Variants in PUM1 observed in about 807,000 individuals in gnomAD.
PUM1 encodes pumilio homolog 1.
PUM1 carries 13 observed loss-of-function variants against 131.8 expected under a neutral mutation model. That is an observed-to-expected ratio of 0.10 (90% CI 0.06 to 0.16). The LOEUF (loss-of-function observed/expected upper bound fraction) is 0.16, where lower values mean the gene tolerates loss of function less well. Ranked by LOEUF, PUM1 falls within the 10% of genes least tolerant of loss-of-function variation. The pLI, the probability that PUM1 is intolerant of heterozygous loss-of-function variation, is 1.00. For synonymous variants in PUM1, 509 were observed against 556.5 expected (o/e 0.91, Z 1.20); for missense variants, 961 against 1,512.4 (o/e 0.64, Z 6.05).
At chr1:31,003,728 G>C (rs1365672068) in intron 5 of PUM1, among the ~76,000 whole-genome samples, 1 of 152,118 alleles carries the variant, frequency 6.6e-6, no homozygotes, top group Non-Finnish European at 1.5e-5. Flanking sequence ...TTGCACTCCA[G>C]TCTGGGCGAC....
intron 3 of PUM1, among the ~76,000 whole-genome samples, chr1:31,017,935 A>G (rs1369180755): frequency 1.3e-5 from 2 of 152,228 alleles, no homozygotes; most frequent in Non-Finnish European, 2.9e-5. Context: ...CTAAGCAAAG[A>G]GGCCAATGTA....
intron 6 of PUM1, among the ~76,000 whole-genome samples, chr1:30,994,092 A>T (rs1641900074): frequency 6.6e-6 from 1 of 152,134 alleles, no homozygotes; most frequent in South Asian, 2.1e-4. Flanking sequence ...AAATAAAAAT[A>T]ATTTTTAAAA....
At chr1:31,035,510 C>T (rs1318487025) in intron 2 of PUM1, among the ~76,000 whole-genome samples, 2 of 151,964 alleles carry the variant, frequency 1.3e-5, no homozygotes, top group African/African-American at 2.4e-5. Flanking sequence ...CCAGCACTTT[C>T]GGAGGCCGAG....
intron 2 of PUM1, among the ~76,000 whole-genome samples, chr1:31,033,220 T>A (rs1643493218): frequency 6.6e-6 from 1 of 151,770 alleles, no homozygotes; most frequent in African/African-American, 2.4e-5. Flanking sequence ...TTCCTTTTTT[T>A]TTTTGAGATG....
At chr1:31,002,547 T>C (rs986032006) in intron 5 of PUM1, among the ~76,000 whole-genome samples, 1 of 152,138 alleles carries the variant, frequency 6.6e-6, no homozygotes, top group Non-Finnish European at 1.5e-5. Flanking sequence ...GGTCCTTAGA[T>C]GGCAATCTCA....
intron 5 of PUM1, among the ~76,000 whole-genome samples, chr1:31,003,198 C>G (rs1642276611): frequency 6.6e-6 from 1 of 152,174 alleles, no homozygotes; most frequent in Non-Finnish European, 1.5e-5. Flanking sequence ...CCATACACTA[C>G]CAAGTACCAC....
Position 30,995,169 on chromosome 1 carries a change from T to C in PUM1, c.772A>G (p.Lys258Glu). The C allele has an allele frequency of 1.2e-6, 2 of 1,614,212 alleles. No individual in the cohort carries two copies. The highest frequency in any genetic ancestry group is 1.1e-5 in the South Asian group (1 of 91,074). Residue 258 changes from lysine to glutamate, a missense_variant, in exon 6 of 22, where the codon AAG becomes GAG. By Grantham distance (56) the Lys-to-Glu change is moderately conservative (BLOSUM62 1). Transcript: ENST00000426105. ...DENDKGEKKN[K>E]GTFDGDKLGD... ...AGCTTATCTCCATCAAACGTACCCTTGTTCTTCTTTTCACCTTTGTCGTTT... is the reference window on the plus strand; with the variant it reads ...AGCTTATCTCCATCAAACGTACCCTCGTTCTTCTTTTCACCTTTGTCGTTT...
chr1:31,000,259 T>A (rs1043554097), intron 5 of PUM1, among the ~76,000 whole-genome samples: 2 of 152,184 alleles, frequency 1.3e-5, no homozygotes, highest in African/African-American at 4.8e-5. Flanking sequence ...AATGAATAAA[T>A]GAAAAAGGCT....
At chr1:31,038,984 A>ATATATATATATATATATATATTTTTTTTT in intron 2 of PUM1, among the ~76,000 whole-genome samples, 4 of 49,414 alleles carry the variant, frequency 8.1e-5, no homozygotes, top group Non-Finnish European at 1.2e-4. Flanking sequence ...ATATATATAT[A>ATATATATATATATATATATATTTTTTTTT]TTTTTTTTTT....
At chr1:30,973,280 C>T (rs1641003260) in intron 10 of PUM1, among the ~76,000 whole-genome samples, 1 of 150,128 alleles carries the variant, frequency 6.7e-6, no homozygotes, top group South Asian at 2.1e-4. Flanking sequence ...TAAACATACA[C>T]CCTCTGAGTA....
chr1:30,977,238 A>C (rs553652305), intron 9 of PUM1, among the ~76,000 whole-genome samples: 1 of 152,326 alleles, frequency 6.6e-6, no homozygotes, highest in African/African-American at 2.4e-5. Context: ...CATGAGATCA[A>C]GGTCAAGTGT....
At chr1:31,012,496 C>T (rs1642655869) in intron 3 of PUM1, among the ~76,000 whole-genome samples, 1 of 145,442 alleles carries the variant, frequency 6.9e-6, no homozygotes, top group Non-Finnish European at 1.5e-5. Flanking sequence ...CACACACGTA[C>T]ACTGTTTATC....
intron 2 of PUM1, among the ~76,000 whole-genome samples, chr1:31,034,142 G>A (rs571831603): frequency 6.6e-5 from 10 of 152,208 alleles, no homozygotes; most frequent in Non-Finnish European, 1.5e-4. Flanking sequence ...CACTAAAAAC[G>A]ACACAGGTTT....
At chr1:30,990,951 C>T (rs1436948402) in intron 7 of PUM1, among the ~76,000 whole-genome samples, 1 of 152,068 alleles carries the variant, frequency 6.6e-6, no homozygotes, top group Admixed American at 6.5e-5. Context: ...CATAGAAGTA[C>T]ATTTCTGTTC....
intron 3 of PUM1, among the ~76,000 whole-genome samples, chr1:31,009,780 A>AGC (rs1490367921): frequency 6.7e-6 from 1 of 150,108 alleles, no homozygotes; most frequent in Non-Finnish European, 1.5e-5. Flanking sequence ...AAAAAAAAAA[A>AGC]AAAAAAACAA....
At chr1:30,986,678 T>A (rs1451252907) in intron 7 of PUM1, among the ~76,000 whole-genome samples, 7 of 152,174 alleles carry the variant, frequency 4.6e-5, no homozygotes, top group African/African-American at 1.7e-4. Flanking sequence ...TAAGTATTAT[T>A]AATACTTTTT....
chr1:30,968,565 G>T, intron 10 of PUM1, 73 bp from the exon 11 acceptor site: 3 of 1,489,880 alleles, frequency 2.0e-6, no homozygotes, highest in South Asian at 1.3e-5. Flanking sequence ...GCTCAGGTTG[G>T]GTCAACTTTT....
intron 2 of PUM1, among the ~76,000 whole-genome samples, chr1:31,050,613 G>T (rs973434749): frequency 2.0e-5 from 3 of 152,174 alleles, no homozygotes; most frequent in Non-Finnish European, 4.4e-5. Flanking sequence ...ATGAAAGATG[G>T]ATTATTCAGC....
chr1:31,041,051 G>A (rs1175954410), intron 2 of PUM1, among the ~76,000 whole-genome samples: 4 of 152,068 alleles, frequency 2.6e-5, no homozygotes, highest in Non-Finnish European at 5.9e-5. Context: ...AAGCAACATA[G>A]GTATAATCTC....
Sources: gnomAD v4.1 joint callset for allele counts (sites outside exome capture counted in the v4.1 genomes callset) on GRCh38, gnomAD v4.1.1 for gene constraint, MANE v1.5 for transcripts, NCBI Gene and HGNC (gene_info 2026-07-23, HGNC 2026-07-21) for gene names.